Variants in ZNF44 observed in about 807,000 individuals in gnomAD.
ZNF44 encodes the protein zinc finger protein 44, also known as gonadotropin inducible transcription repressor-2.
ZNF44 carries 9 observed loss-of-function variants against 11.7 expected under a neutral mutation model. The ratio of observed to expected loss-of-function variants is 0.77; its 90% CI spans 0.46 to 1.35. The LOEUF (loss-of-function observed/expected upper bound fraction) is 1.35, where lower values mean the gene tolerates loss of function less well. Among genes scored for constraint, ZNF44 ranks in the 40% most tolerant of loss-of-function variants. ZNF44 has a pLI of 0.00. For missense variants in ZNF44, 696 were observed against 743.1 expected (o/e 0.94, Z 0.74); for synonymous variants, 224 against 242.7 (o/e 0.92, Z 0.72).
At chr19:12,293,620 G>A (rs1968110371) in intron 1 of ZNF44, among the ~76,000 whole-genome samples, 1 of 152,054 alleles carries the variant, frequency 6.6e-6, no homozygotes, top group Non-Finnish European at 1.5e-5. Flanking sequence ...TTGAAATATC[G>A]TCTTGCTGAC....
intron 5 of ZNF44, among the ~76,000 whole-genome samples, chr19:12,254,048 A>G (rs993506468): frequency 2.0e-5 from 3 of 151,692 alleles, no homozygotes; most frequent in Middle Eastern, 3.4e-3. Flanking sequence ...ACTGAAATAC[A>G]TGGAATCCTT....
At chr19:12,290,220 T>C (rs1449982799) in intron 1 of ZNF44, among the ~76,000 whole-genome samples, 1 of 151,486 alleles carries the variant, frequency 6.6e-6, no homozygotes, top group African/African-American at 2.4e-5. Flanking sequence ...ACCCCATCTC[T>C]ACTAAAAATA....
chr19:12,265,992 C>T (rs1413683814), intron 5 of ZNF44, among the ~76,000 whole-genome samples: 1 of 152,232 alleles, frequency 6.6e-6, no homozygotes. Flanking sequence ...ATGGTCCCCG[C>T]ACAATCTGGG....
At chr19:12,292,869 T>G (rs576742516) in intron 1 of ZNF44, among the ~76,000 whole-genome samples, 1,812 of 144,174 alleles carry the variant, frequency 0.013, 29 homozygotes, top group African/African-American at 0.028. Context: ...TTTTTTTTTT[T>G]TTTTTTTTTT....
At chr19:12,247,974 T>C in exon 8 of ZNF44, 2 of 1,349,218 alleles carry the variant, frequency 1.5e-6, no homozygotes, top group African/African-American at 1.5e-5. Context: ...AGTCTTTTCA[T>C]GTCTTTGAGC....
intron 2 of ZNF44, among the ~76,000 whole-genome samples, chr19:12,231,910 A>T (rs1332168597): frequency 6.6e-6 from 1 of 152,222 alleles, no homozygotes; most frequent in Middle Eastern, 3.2e-3. Context: ...AAAGAAAAAG[A>T]CACAAAGTAT....
At chr19:12,275,768 A>C (rs1967194277) in intron 2 of ZNF44, among the ~76,000 whole-genome samples, 188 bp downstream of exon 2, 1 of 152,246 alleles carries the variant, frequency 6.6e-6, no homozygotes, top group Admixed American at 6.5e-5. Flanking sequence ...GCTGGTCAAA[A>C]GTAGGTTAAG....
downstream of ZNF44, chr19:12,247,500 G>A (rs1366719094): frequency 7.4e-7 from 1 of 1,346,292 alleles, no homozygotes; most frequent in South Asian, 1.2e-5. Flanking sequence ...ACTACTGAAG[G>A]CTTTACCACA....
At position 12,272,780 on chromosome 19, in the gene ZNF44, C is replaced by T. The variant is rs1411642967; in HGVS notation, c.1475G>A (p.Cys492Tyr). 1.9e-6 allele frequency: 3 copies of T among 1,613,714 alleles called. No individual in the cohort carries two copies. The highest frequency in any genetic ancestry group is 4.5e-5 in the East Asian group (2 of 44,876). The change falls in exon 4 of 4, where the codon TGT becomes TAT. Residue 492 changes from cysteine (C) to tyrosine (Y), a missense_variant. Transcript: ENST00000355684. ...GKAFSSFKYF[C>Y]RHERTHSEEK... Reference sequence around the variant, plus strand: ...TTCACTGTGAGTCCTTTCATGGCGACAAAAGTATTTAAAAGAACTAAATGC... The same window carrying T: ...TTCACTGTGAGTCCTTTCATGGCGATAAAAGTATTTAAAAGAACTAAATGC...
At chr19:12,235,508 C>CT (rs1322533415) in intron 1 of ZNF44, among the ~76,000 whole-genome samples, 1 of 152,134 alleles carries the variant, frequency 6.6e-6, no homozygotes, top group Non-Finnish European at 1.5e-5. Context: ...AGATACATTA[C>CT]AAAGGTGGAA....
chr19:12,255,715 C>T (rs1297994269), intron 5 of ZNF44, among the ~76,000 whole-genome samples: 1 of 152,110 alleles, frequency 6.6e-6, no homozygotes, highest in Non-Finnish European at 1.5e-5. Flanking sequence ...CATCTGGCTA[C>T]CTGCAGGGCC....
chr19:12,225,819 G>T (rs1444945718), downstream of ZNF44, among the ~76,000 whole-genome samples: 1 of 152,142 alleles, frequency 6.6e-6, no homozygotes, highest in African/African-American at 2.4e-5. Flanking sequence ...ATTCTCTCTT[G>T]GTTACTTATT....
chr19:12,293,110 T>C, intron 1 of ZNF44: 1 of 1,209,094 alleles, frequency 8.3e-7, no homozygotes, highest in Non-Finnish European at 1.1e-6. Context: ...CCTCAGGTGA[T>C]CCGCCCGCCT....
chr19:12,250,275 T>C, exon 6 of ZNF44: 1 of 1,366,060 alleles, frequency 7.3e-7, no homozygotes, highest in Non-Finnish European at 9.8e-7. Flanking sequence ...GTTTCCCACA[T>C]CACGTCTCTG....
chr19:12,230,258 G>A (rs1473297928), intron 3 of ZNF44, among the ~76,000 whole-genome samples: 1 of 152,196 alleles, frequency 6.6e-6, no homozygotes, highest in African/African-American at 2.4e-5. Context: ...AGAAGCCGAG[G>A]GTGTCTGTTT....
chr19:12,285,289 CTT>C (rs1264041763), intron 1 of ZNF44: 2 of 254,998 alleles, frequency 7.8e-6, no homozygotes, highest in East Asian at 7.9e-5. Flanking sequence ...GATTTTCACT[CTT>C]GTTGCCCAGG....
At chr19:12,283,120 A>T (rs1269160531) in intron 1 of ZNF44, among the ~76,000 whole-genome samples, 3 of 152,162 alleles carry the variant, frequency 2.0e-5, no homozygotes, top group Non-Finnish European at 4.4e-5. Context: ...AACTTTATCA[A>T]ATTGTATCTG....
At chr19:12,258,409 T>A (rs1917358994) in intron 5 of ZNF44, among the ~76,000 whole-genome samples, 1 of 151,908 alleles carries the variant, frequency 6.6e-6, no homozygotes, top group Non-Finnish European at 1.5e-5. Context: ...ATTAATGGTT[T>A]TGTATAATAG....
At chr19:12,244,960 C>G (rs1168624037), downstream of ZNF44, among the ~76,000 whole-genome samples, 1 of 152,154 alleles carries the variant, frequency 6.6e-6, no homozygotes, top group African/African-American at 2.4e-5. Flanking sequence ...TGTGTTCATC[C>G]TTATTACAAC....
Sources: gnomAD v4.1 joint callset for allele counts (sites outside exome capture counted in the v4.1 genomes callset) on GRCh38, gnomAD v4.1.1 for gene constraint, MANE v1.5 for transcripts, NCBI Gene and HGNC (gene_info 2026-07-23, HGNC 2026-07-21) for gene names.